Variants in SAMD8 observed in about 807,000 individuals in gnomAD.
SAMD8 encodes the protein sterile alpha motif domain containing 8.
Under a neutral mutation model 42.0 loss-of-function variants are expected in SAMD8, and 20 were observed. The ratio of observed to expected loss-of-function variants is 0.48; its 90% CI spans 0.34 to 0.69. The LOEUF is 0.69. Among genes scored for constraint, SAMD8 ranks in the 30% least tolerant of loss-of-function variants. The pLI is 0.01. For synonymous variants in SAMD8, 162 were observed against 173.0 expected (o/e 0.94, Z 0.50); for missense variants, 328 against 511.6 (o/e 0.64, Z 3.46).
rs1840756922 is a variant in SAMD8, at chr10:75,168,802, G to A, written c.792+144G>A. ...ATAAAAAAAACTATAGAAATAATTTGGTAAAAGTCTTAAGCCAGATTCTAC... is the reference window on the plus strand; with the variant it reads ...ATAAAAAAAACTATAGAAATAATTTAGTAAAAGTCTTAAGCCAGATTCTAC... On this transcript the variant is annotated intron_variant, in intron 4 of 5. Coordinates refer to ENST00000542569, the MANE Select transcript of SAMD8 (RefSeq NM_001174156.2). The A allele has an allele frequency of 1.9e-5, 11 of 591,336 alleles. 2 individuals carry two copies. In the South Asian group the frequency reaches 2.2e-4, roughly 12 times the overall value. 36.6% of individuals were successfully genotyped at this position (591,336 alleles called of 1,614,324 possible). A position where few individuals can be genotyped will look rare whatever the true frequency, so the allele number is the denominator to read the frequency against.
chr10:75,162,121 G>A lies in SAMD8; in HGVS notation c.579-2524G>A, dbSNP rs150767288. Reference sequence around the variant, plus strand: ...CACCTGTAATCCTAGCACTTCTGGAGGCCAAGGCAGGTGGATCACGTGAGG... The same window carrying A: ...CACCTGTAATCCTAGCACTTCTGGAAGCCAAGGCAGGTGGATCACGTGAGG... On this transcript the variant is annotated intron_variant, in intron 2 of 5. Transcript: ENST00000542569. 1.5e-3 allele frequency among the ~76,000 whole-genome samples: 231 copies of A among 152,308 alleles called. 1 individual carries two copies. Among genetic ancestry groups the A allele is most frequent in the African/African-American group, 5.5e-3 (228 of 41,564 alleles).
chr10:75,101,008 C>G (rs954870925), intron 1 of SAMD8, among the ~76,000 whole-genome samples: 2 of 152,256 alleles, frequency 1.3e-5, no homozygotes, highest in African/African-American at 4.8e-5. Context: ...CTTTCTGACT[C>G]CACTCCAGGG....
chr10:75,143,616 C>G (rs972713284), intron 1 of SAMD8, among the ~76,000 whole-genome samples: 3 of 151,960 alleles, frequency 2.0e-5, no homozygotes, highest in African/African-American at 7.3e-5. Flanking sequence ...GGCTTGAGCC[C>G]AGTAAGAAAT....
At chr10:75,163,885 C>G (rs1486293532) in intron 2 of SAMD8, among the ~76,000 whole-genome samples, 1 of 151,688 alleles carries the variant, frequency 6.6e-6, no homozygotes, top group African/African-American at 2.4e-5. Context: ...ACCAGGGTTA[C>G]AAAACAAGGG....
At chr10:75,138,549 A>T (rs953792973) in intron 1 of SAMD8, among the ~76,000 whole-genome samples, 1 of 152,222 alleles carries the variant, frequency 6.6e-6, no homozygotes, top group Non-Finnish European at 1.5e-5. Flanking sequence ...GCTAATGTTT[A>T]GGAGTACCAA....
At chr10:75,124,600 G>A (rs922117215) in intron 1 of SAMD8, among the ~76,000 whole-genome samples, 1 of 138,776 alleles carries the variant, frequency 7.2e-6, no homozygotes, top group Non-Finnish European at 1.5e-5. Context: ...GTGACAGAAC[G>A]AGACTCCATC....
intron 1 of SAMD8, among the ~76,000 whole-genome samples, chr10:75,120,369 T>G (rs1284006052): frequency 6.6e-6 from 1 of 152,068 alleles, no homozygotes; most frequent in Non-Finnish European, 1.5e-5. Context: ...CCTCCCAGGT[T>G]CATGCCATTC....
Position 75,178,357 on chromosome 10 carries a change from C to A in SAMD8, c.*1665C>A, listed in dbSNP as rs1353924502. ...CTTAAATCACTGATTCTGTTACATG[C>A]TAGGAACAAAATGCCAACATCTCAT... is the stretch of plus-strand genomic sequence containing the variant. On this transcript the variant is annotated 3_prime_UTR_variant, in exon 6 of 6. Transcript: ENST00000542569. 1 of 152,144 alleles carries A rather than the reference C, an allele frequency of 6.6e-6. No individual in the cohort carries two copies. Among genetic ancestry groups the A allele is most frequent in the Non-Finnish European group, 1.5e-5 (1 of 68,042 alleles). The allele number at this position is 152,144 out of a possible 1,614,324, so 9.4% of individuals were successfully genotyped here. A position where few individuals can be genotyped will look rare whatever the true frequency, so the allele number is the denominator to read the frequency against.
intron 2 of SAMD8, among the ~76,000 whole-genome samples, chr10:75,152,028 T>C (rs189244449): frequency 2.4e-4 from 36 of 151,094 alleles, no homozygotes; most frequent in African/African-American, 8.7e-4. Context: ...GAATGATGTT[T>C]GTAATAAATG....
At chr10:75,124,415 G>A (rs1419076273) in intron 1 of SAMD8, among the ~76,000 whole-genome samples, 2 of 152,050 alleles carry the variant, frequency 1.3e-5, no homozygotes, top group African/African-American at 4.8e-5. Flanking sequence ...GAGTTCGAGA[G>A]CAGTCTGGCC....
intron 1 of SAMD8, among the ~76,000 whole-genome samples, chr10:75,135,791 A>C (rs770026175): frequency 6.6e-6 from 1 of 151,984 alleles, no homozygotes; most frequent in Non-Finnish European, 1.5e-5. Flanking sequence ...GCGCCACTAC[A>C]CTTCAGCCTG....
intron 1 of SAMD8, among the ~76,000 whole-genome samples, chr10:75,146,971 T>C (rs1840151868): frequency 6.6e-6 from 1 of 152,200 alleles, no homozygotes; most frequent in African/African-American, 2.4e-5. Flanking sequence ...TGCACTGACC[T>C]GATAAAGCAG....
At chr10:75,125,080 C>G (rs1021767819) in intron 1 of SAMD8, 1 of 152,178 alleles carries the variant, frequency 6.6e-6, no homozygotes, top group African/African-American at 2.4e-5. Context: ...AGCCACCACA[C>G]CTAGCCAATT....
chr10:75,159,884 G>C (rs1564691776), intron 2 of SAMD8, among the ~76,000 whole-genome samples: 1 of 152,128 alleles, frequency 6.6e-6, no homozygotes. Flanking sequence ...CTTTCACACT[G>C]ATGTTTGTTT....
At chr10:75,170,231 T>C (rs1840817284) in intron 4 of SAMD8, among the ~76,000 whole-genome samples, 1 of 152,238 alleles carries the variant, frequency 6.6e-6, no homozygotes, top group Non-Finnish European at 1.5e-5. Flanking sequence ...TCTAGGCCTC[T>C]ATGCTTTAAT....
chr10:75,112,669 A>G (rs529265244), intron 1 of SAMD8, among the ~76,000 whole-genome samples: 13 of 152,340 alleles, frequency 8.5e-5, no homozygotes, highest in African/African-American at 2.9e-4. Flanking sequence ...AGCTAAGTTT[A>G]AATACCAGAC....
At chr10:75,111,458 C>A, upstream of SAMD8, 1 of 1,201,184 alleles carries the variant, frequency 8.3e-7, no homozygotes, top group Non-Finnish European at 1.0e-6. Context: ...CCGGTAGAAC[C>A]CCGTCCCCGG....
intron 1 of SAMD8, among the ~76,000 whole-genome samples, chr10:75,143,684 A>AT (rs763710721): frequency 2.0e-5 from 3 of 150,268 alleles, no homozygotes. Flanking sequence ...TGCTTTTAAG[A>AT]TTTTCTCATT....
At chr10:75,160,553 C>T (rs1393694890) in intron 2 of SAMD8, among the ~76,000 whole-genome samples, 1 of 152,110 alleles carries the variant, frequency 6.6e-6, no homozygotes, top group African/African-American at 2.4e-5. Flanking sequence ...ATGTATAATG[C>T]ATTTTAAAAG....
Sources: gnomAD v4.1 joint callset for allele counts (sites outside exome capture counted in the v4.1 genomes callset) on GRCh38, gnomAD v4.1.1 for gene constraint, MANE v1.5 for transcripts, NCBI Gene and HGNC (gene_info 2026-07-23, HGNC 2026-07-21) for gene names.